ZFYVE21: variants seen among roughly 807,000 people sequenced by gnomAD.
ZFYVE21 encodes the protein zinc finger FYVE domain-containing protein 21.
A neutral mutation model predicts 29.5 loss-of-function variants in ZFYVE21; 21 were observed. The observed-to-expected ratio is 0.71, with a 90% CI of 0.50 to 1.02. The LOEUF (loss-of-function observed/expected upper bound fraction) is 1.02, where lower values mean the gene tolerates loss of function less well. Among genes scored for constraint, ZFYVE21 ranks in the 50% least tolerant of loss-of-function variants. ZFYVE21 has a pLI of 0.00. For synonymous variants in ZFYVE21, 151 were observed against 133.8 expected (o/e 1.13, Z -0.89); for missense variants, 326 against 335.4 (o/e 0.97, Z 0.22).
At position 103,733,025 on chromosome 14, in the gene ZFYVE21, G is replaced by A. The variant is rs566285060; in HGVS notation, c.*7G>A. On this transcript the variant is annotated 3_prime_UTR_variant, in exon 7 of 7. Transcript: ENST00000311141. ...TGAATCTCGGGACCAGTAACTCTAC[G>A]TGGGGCTGAGCTTGGAGTACGTGTG... is the stretch of plus-strand genomic sequence containing the variant. The A allele has an allele frequency of 3.7e-5, 60 of 1,614,118 alleles. No individual in the cohort carries two copies. The highest frequency in any genetic ancestry group is 8.0e-5 in the African/African-American group (6 of 75,040).
rs778742286 is a variant in ZFYVE21 at position 103,727,907 on chromosome 14, C to T, written c.351C>T (p.Leu117=). 1 of 1,611,708 alleles carries T rather than the reference C, an allele frequency of 6.2e-7. No homozygotes were observed. Among genetic ancestry groups the T allele is most frequent in the Admixed American group, 1.7e-5 (1 of 59,984 alleles). Reference sequence around the variant, plus strand: ...TCTACGACAAGCAGCTCAAAGTGCTCCTGAGCGGTAAGGACGGGTGTCCTG... The same window carrying T: ...TCTACGACAAGCAGCTCAAAGTGCTTCTGAGCGGTAAGGACGGGTGTCCTG... ...AEFYDKQLKV[L]LSGATFLVTF... The change falls in exon 3 of 7, where the codon CTC becomes CTT. Residue 117 remains leucine (L), a synonymous_variant. Transcript: ENST00000311141.
In ZFYVE21 at chr14:103,733,039, G is replaced by T. The variant is rs766922840; in HGVS notation, c.*21G>T. ...AGTAACTCTACGTGGGGCTGAGCTT[G>T]GAGTACGTGTGGTCACCAGGACTGA... On this transcript the variant is annotated 3_prime_UTR_variant, in exon 7 of 7. Transcript: ENST00000311141. 6.2e-7 allele frequency: 1 copy of T among 1,614,134 alleles called. No individual in the cohort carries two copies. Among genetic ancestry groups the T allele is most frequent in the Non-Finnish European group, 8.5e-7 (1 of 1,180,028 alleles).
At chr14:103,730,353 G>A (rs186214568) in intron 5 of ZFYVE21, 1 of 155,074 alleles carries the variant, frequency 6.4e-6, no homozygotes, top group East Asian at 1.9e-4. Context: ...TGGTTGCCTT[G>A]AGCAGGCTGC....
rs1384899476 is a variant in ZFYVE21, at chr14:103,716,246, G to C, written c.138+267G>C. On this transcript the variant is annotated intron_variant, in intron 1 of 6. Coordinates refer to ENST00000311141, the MANE Select transcript of ZFYVE21 (RefSeq NM_024071.4). The surrounding 1 kb of genome is among the most constrained non-coding windows in gnomAD (Gnocchi z 4.8). ...GGCACCTGTCCAGGGCGGGCGCCGGGAGGCGGGGTGCGGGGCGCGGGCTGG... is the reference window on the plus strand; with the variant it reads ...GGCACCTGTCCAGGGCGGGCGCCGGCAGGCGGGGTGCGGGGCGCGGGCTGG... 6.6e-6 allele frequency among the ~76,000 whole-genome samples: 1 copy of C among 152,070 alleles called. No homozygotes were observed. Among genetic ancestry groups the C allele is most frequent in the Admixed American group, 6.5e-5 (1 of 15,274 alleles).
intron 5 of ZFYVE21, 39 bp from the exon 6 acceptor site, chr14:103,732,581 G>T: frequency 6.6e-7 from 1 of 1,518,982 alleles, no homozygotes; most frequent in Non-Finnish European, 8.8e-7. Flanking sequence ...GGCACTCAGG[G>T]CCTCCTTTGG....
At chr14:103,731,086 G>C (rs893702926) in intron 5 of ZFYVE21, 1 of 152,396 alleles carries the variant, frequency 6.6e-6, no homozygotes, top group African/African-American at 2.4e-5. Context: ...GAGGCGGGCA[G>C]ATCACCTGAG....
At chr14:103,732,896 C>A in intron 6 of ZFYVE21, 87 bp from the exon 7 acceptor site, 1 of 1,605,888 alleles carries the variant, frequency 6.2e-7, no homozygotes, top group Non-Finnish European at 8.5e-7. Context: ...GGTGCCCACG[C>A]CATCTCCCCT....
At chr14:103,731,896 T>G (rs563328151) in intron 5 of ZFYVE21, 1 of 152,210 alleles carries the variant, frequency 6.6e-6, no homozygotes, top group Non-Finnish European at 1.5e-5. Flanking sequence ...AGAGCTGCTC[T>G]CTTCAGCAGT....
At chr14:103,719,454 C>CAAA (rs61173072) in intron 1 of ZFYVE21, among the ~76,000 whole-genome samples, 3 of 56,852 alleles carry the variant, frequency 5.3e-5, no homozygotes, top group Admixed American at 1.9e-4. Flanking sequence ...GACTCTGTCT[C>CAAA]AAAAAAAAAA....
Position 103,716,269 on chromosome 14 carries a change from T to G in ZFYVE21, c.138+290T>G, listed in dbSNP as rs2083808577. 6.6e-6 allele frequency among the ~76,000 whole-genome samples: 1 copy of G among 151,984 alleles called. No homozygotes were observed. Among genetic ancestry groups the G allele is most frequent in the South Asian group, 2.1e-4 (1 of 4,832 alleles). On this transcript the variant is annotated intron_variant, in intron 1 of 6. Transcript: ENST00000311141. This position sits in a 1 kb window ranked among gnomAD's most constrained non-coding sequence, Gnocchi z 4.8. ...GGGAGGCGGGGTGCGGGGCGCGGGC[T>G]GGTCCCGGGGGTGGGTGCGGCCCTG... is the stretch of plus-strand genomic sequence containing the variant.
intron 5 of ZFYVE21, chr14:103,730,927 C>T (rs1386346602): frequency 6.6e-6 from 1 of 152,346 alleles, no homozygotes; most frequent in Non-Finnish European, 1.5e-5. Flanking sequence ...TGCTCTAGAG[C>T]CTAGGCAGGA....
At chr14:103,732,466 T>TG in intron 5 of ZFYVE21, 154 bp from the exon 6 acceptor site, 1 of 859,082 alleles carries the variant, frequency 1.2e-6, no homozygotes, top group African/African-American at 1.7e-5. Context: ...GAGGAGATGG[T>TG]GTTCCCTGGG....
intron 1 of ZFYVE21, among the ~76,000 whole-genome samples, chr14:103,723,979 A>G (rs2083897692): frequency 1.3e-5 from 2 of 152,302 alleles, no homozygotes; most frequent in South Asian, 4.1e-4. Context: ...GCATCAGAGC[A>G]GCTCCTCCAC....
intron 5 of ZFYVE21, chr14:103,730,389 G>A (rs1026819744): frequency 2.6e-5 from 4 of 153,458 alleles, no homozygotes; most frequent in Admixed American, 6.5e-5. Flanking sequence ...AGGTGCAAAG[G>A]GTAGGGTCTG....
chr14:103,720,114 T>C (rs2083860615), intron 1 of ZFYVE21, among the ~76,000 whole-genome samples: 1 of 152,058 alleles, frequency 6.6e-6, no homozygotes, highest in Non-Finnish European at 1.5e-5. Flanking sequence ...GTTGATGTCC[T>C]CTCTCACACA....
At chr14:103,725,482 G>T (rs1306907517) in intron 1 of ZFYVE21, 1 of 152,316 alleles carries the variant, frequency 6.6e-6, no homozygotes, top group Non-Finnish European at 1.5e-5. Context: ...TGAGAAGCTG[G>T]CTGTGGCCAG....
chr14:103,724,105 C>T lies in ZFYVE21; in HGVS notation c.139-2687C>T, dbSNP rs536801000. Among the ~76,000 whole-genome samples, 12 of 152,306 alleles carry T rather than the reference C, an allele frequency of 7.9e-5. No individual in the cohort carries two copies. The East Asian group carries it at 9.7e-4, about 12-fold the overall frequency. On this transcript the variant is annotated intron_variant, in intron 1 of 6. Transcript: ENST00000311141. The stretch of plus-strand genomic sequence containing the variant: ...GATCAGGGTGGGGTGATGGAGGATC[C>T]GTGGCTGGGCCCCCAGACCACAGGG...
chr14:103,730,196 C>T lies in ZFYVE21; in HGVS notation c.526+1014C>T, dbSNP rs1390778869. ...GCCAACACTGCCCTTCCCCCCGAGG[C>T]CTGCTGCTCCCCAGCTCAGTGTGGC... On this transcript the variant is annotated intron_variant, in intron 5 of 6. Transcript: ENST00000311141. 2.1e-5 allele frequency: 6 copies of T among 288,222 alleles called. No individual in the cohort carries two copies. In the East Asian group the frequency reaches 4.8e-4, roughly 23 times the overall value. 17.9% of individuals were successfully genotyped at this position (288,222 alleles called of 1,614,324 possible).
intron 2 of ZFYVE21, 107 bp downstream of exon 2, chr14:103,726,949 T>TTTTTTTTTTTTTTG: frequency 4.4e-6 from 3 of 686,814 alleles, no homozygotes; most frequent in Non-Finnish European, 6.2e-6. Context: ...TTATGGCTCG[T>TTTTTTTTTTTTTTG]TTTTTTTTTT....
Sources: allele counts gnomAD v4.1 joint callset (sites outside exome capture counted in the v4.1 genomes callset), GRCh38; gene constraint gnomAD v4.1.1; non-coding constraint Gnocchi (gnomAD v3.1); transcripts MANE v1.5; gene names NCBI Gene and HGNC (gene_info 2026-07-23, HGNC 2026-07-21).